Variants in JAKMIP3 observed in about 807,000 individuals in gnomAD.
JAKMIP3 encodes Janus kinase and microtubule interacting protein 3.
JAKMIP3 carries 58 observed loss-of-function variants against 118.5 expected under a neutral mutation model. The observed-to-expected ratio is 0.49, with a 90% CI of 0.40 to 0.61. The LOEUF is 0.61. Ranked by LOEUF, JAKMIP3 falls within the 20% of genes least tolerant of loss-of-function variation. The pLI is 0.00. For synonymous variants in JAKMIP3, 486 were observed against 451.2 expected (o/e 1.08, Z -0.98); for missense variants, 950 against 1,109.0 (o/e 0.86, Z 2.04).
chr10:132,104,712 C>T lies in JAKMIP3; in HGVS notation c.-97C>T, dbSNP rs2045636959. On this transcript the variant is annotated 5_prime_UTR_variant, in exon 2 of 24. Coordinates refer to ENST00000684848, the MANE Select transcript of JAKMIP3 (RefSeq NM_001323087.2). ...TAGTGTGACAGCAGCCCGGGTGACA[C>T]CTGCTGGGAGCTTGGCGTGGACACC... The T allele has an allele frequency of 6.2e-6, 8 of 1,281,778 alleles. No individual in the cohort carries two copies. The South Asian group carries it at 8.3e-5, about 13-fold the overall frequency. The allele number at this position is 1,281,778 out of a possible 1,614,324, so 79.4% of individuals were successfully genotyped here.
chr10:132,112,041 G>A lies in JAKMIP3; in HGVS notation c.136-5036G>A, dbSNP rs2046959756. Among the ~76,000 whole-genome samples, 1 of 152,076 alleles carries A rather than the reference G, an allele frequency of 6.6e-6. No individual in the cohort carries two copies. Among genetic ancestry groups the A allele is most frequent in the Non-Finnish European group, 1.5e-5 (1 of 67,998 alleles). On this transcript the variant is annotated intron_variant, in intron 2 of 23. Coordinates refer to ENST00000684848, the MANE Select transcript of JAKMIP3 (RefSeq NM_001323087.2). The surrounding 1 kb of genome is among the most constrained non-coding windows in gnomAD (Gnocchi z 4.3). ...GGAGGTGTTGGCAGGCGGGGGTAGA[G>A]CGTGCGGGTGGACGGTGCATGGGAT...
chr10:132,101,602 A>C (rs1163996909), intron 1 of JAKMIP3, among the ~76,000 whole-genome samples: 1 of 152,214 alleles, frequency 6.6e-6, no homozygotes, highest in Non-Finnish European at 1.5e-5. Flanking sequence ...GCCCTATGAC[A>C]GCCAGATGGG....
chr10:132,139,396 ATGTGAGTGTGTATG>A (rs1420729079), intron 9 of JAKMIP3, among the ~76,000 whole-genome samples: 1 of 113,996 alleles, frequency 8.8e-6, no homozygotes, highest in Non-Finnish European at 1.7e-5. Context: ...GTGTATGAGT[ATGTGAGTGTGTATG>A]TGTGAGTGTG....
intron 13 of JAKMIP3, among the ~76,000 whole-genome samples, chr10:132,147,651 C>G (rs886541852): frequency 6.6e-6 from 1 of 152,190 alleles, no homozygotes; most frequent in African/African-American, 2.4e-5. Flanking sequence ...TCCTTGACGG[C>G]CTCCCTTCCA....
rs748632398 is a variant in JAKMIP3, at chr10:132,163,268, G to A, written c.2280G>A (p.Lys760=). Residue 760 remains lysine, a synonymous_variant, in exon 20 of 24, where the codon AAG becomes AAA. Coordinates refer to ENST00000684848, the MANE Select transcript of JAKMIP3 (RefSeq NM_001323087.2). ...YDALQQEAGA[K]VAELLSEEER... is the part of the protein sequence containing the mutation. ...CCCTGCAGCAGGAGGCCGGGGCTAAGGTGGCTGAGCTGCTGTCAGAGGAGG... is the reference window on the plus strand; with the variant it reads ...CCCTGCAGCAGGAGGCCGGGGCTAAAGTGGCTGAGCTGCTGTCAGAGGAGG... 1 of 1,591,742 alleles carries A rather than the reference G, an allele frequency of 6.3e-7. No individual in the cohort carries two copies. The highest frequency in any genetic ancestry group is 1.8e-5 in the Admixed American group (1 of 56,536).
chr10:132,048,944 C>T (rs573040400), intron 1 of JAKMIP3, among the ~76,000 whole-genome samples: 1 of 152,060 alleles, frequency 6.6e-6, no homozygotes, highest in Non-Finnish European at 1.5e-5. Context: ...CCGGCCTGGG[C>T]TTGACTGTTT....
intron 19 of JAKMIP3, among the ~76,000 whole-genome samples, chr10:132,155,851 C>T (rs1012976374): frequency 4.6e-5 from 7 of 152,178 alleles, no homozygotes; most frequent in East Asian, 1.9e-4. Context: ...GAGCCAGCCC[C>T]GGGTGAGCTG....
intron 23 of JAKMIP3, among the ~76,000 whole-genome samples, chr10:132,172,979 CCCTCTCTCTCT>C: frequency 1.2e-5 from 1 of 85,838 alleles, no homozygotes; most frequent in African/African-American, 3.9e-5. Context: ...CTCTCTCCTT[CCCTCTCTCTCT>C]CTCTCCTTCC....
chr10:132,091,900 T>C (rs1362636799), intron 1 of JAKMIP3, among the ~76,000 whole-genome samples: 1 of 152,240 alleles, frequency 6.6e-6, no homozygotes, highest in Non-Finnish European at 1.5e-5. Context: ...GTTTCTGCAG[T>C]GGCTGGTACT....
intron 2 of JAKMIP3, among the ~76,000 whole-genome samples, chr10:132,105,202 C>G (rs928269010): frequency 6.6e-6 from 1 of 152,224 alleles, no homozygotes; most frequent in Non-Finnish European, 1.5e-5. Flanking sequence ...TGCATGGGGA[C>G]AGCCCTCCCA....
intron 1 of JAKMIP3, among the ~76,000 whole-genome samples, chr10:132,091,331 C>G (rs2043059708): frequency 6.6e-6 from 1 of 152,114 alleles, no homozygotes; most frequent in Non-Finnish European, 1.5e-5. Flanking sequence ...TCCTGGGTAT[C>G]CTTGTTAACT....
Position 132,148,029 on chromosome 10 carries a change from G to A in JAKMIP3, c.1827G>A (p.Glu609=). The A allele has an allele frequency of 6.2e-7, 1 of 1,609,668 alleles. No homozygotes were observed. The highest frequency in any genetic ancestry group is 8.5e-7 in the Non-Finnish European group (1 of 1,177,984). ...QDARDQNELL[E]FRILELEERE... ...CCAGAGACCAAAACGAGCTGCTGGA[G>A]TTCAGGATCCTGGAGCTTGAGGTAG... The change falls in exon 14 of 24, where the codon GAG becomes GAA. Residue 609 remains glutamate (E), a synonymous_variant. Coordinates refer to ENST00000684848, the MANE Select transcript of JAKMIP3 (RefSeq NM_001323087.2).
At position 132,044,063 on chromosome 10, in the gene JAKMIP3, C is replaced by A. The variant is rs1008887379; in HGVS notation, c.-138+7325C>A. 3.3e-5 allele frequency among the ~76,000 whole-genome samples: 5 copies of A among 152,208 alleles called. No individual in the cohort carries two copies. The highest frequency in any genetic ancestry group is 7.2e-5 in the African/African-American group (3 of 41,450). ...GTAGGCTCTCAGGCAGTTCAGATAC[C>A]GTGTGTGCAGTGGCGCTTGTGGCCC... On this transcript the variant is annotated intron_variant, in intron 1 of 23. Coordinates refer to the JAKMIP3 transcript ENST00000657785. This position sits in a 1 kb window ranked among gnomAD's most constrained non-coding sequence, Gnocchi z 5.3.
chr10:132,074,898 C>T (rs2040534180), intron 1 of JAKMIP3, among the ~76,000 whole-genome samples: 1 of 152,132 alleles, frequency 6.6e-6, no homozygotes, highest in Non-Finnish European at 1.5e-5. Context: ...TGAATTATGG[C>T]TATCCATTTT....
chr10:132,180,684 TGTGTGTGCGTGCGTGTGTGTGTGC>T lies in JAKMIP3; in HGVS notation c.*1104-1671_*1104-1648del, dbSNP rs2061056955. Among the ~76,000 whole-genome samples the T allele has an allele frequency of 1.2e-4, 2 of 16,822 alleles. 1 individual carries two copies. The highest frequency in any genetic ancestry group is 2.4e-4 in the Non-Finnish European group (2 of 8,424). 11.0% of individuals were successfully genotyped at this position (16,822 alleles called of 152,430 possible). On this transcript the variant is annotated intron_variant, in intron 23 of 23. Transcript: ENST00000684848. The stretch of plus-strand genomic sequence containing the variant: ...GTGTGTGCGTGTGTGTGCGCGCGCG[TGTGTGTGCGTGCGTGTGTGTGTGC>T]GCGTGTGTGTGCGTGTGTGTGCGTG...
Position 132,087,406 on chromosome 10 carries a change from C to A in JAKMIP3, c.-137-17266C>A, listed in dbSNP as rs141618176. ...GCTTCTTGTATCTGGATGTCTAGGT[C>A]TCTAGCAAGGCTGGGGAAGTTTTTC... On this transcript the variant is annotated intron_variant, in intron 1 of 23. Transcript: ENST00000684848. Among the ~76,000 whole-genome samples the A allele has an allele frequency of 6.3e-3, 963 of 152,252 alleles. 7 individuals carry two copies. Among genetic ancestry groups the A allele is most frequent in the Non-Finnish European group, 0.01 (688 of 68,022 alleles).
At chr10:132,141,363 C>G (rs2053480140) in intron 10 of JAKMIP3, among the ~76,000 whole-genome samples, 1 of 152,182 alleles carries the variant, frequency 6.6e-6, no homozygotes, top group Non-Finnish European at 1.5e-5. Flanking sequence ...TCCACCGGGA[C>G]CCTTTGAAGG....
rs2038041913 is a variant in JAKMIP3 at position 132,049,628 on chromosome 10, T to C, written c.-138+12890T>C. On this transcript the variant is annotated intron_variant, in intron 1 of 23. Coordinates refer to the JAKMIP3 transcript ENST00000657785. The surrounding 1 kb of genome is among the most constrained non-coding windows in gnomAD (Gnocchi z 4.3). ...GCGTGTGCCCGGTTCTGTTTGGATG[T>C]ACAGGTTTCTTCTGCCTTGTGTTTT... is the stretch of plus-strand genomic sequence containing the variant. Among the ~76,000 whole-genome samples, 1 of 152,172 alleles carries C rather than the reference T, an allele frequency of 6.6e-6. No homozygotes were observed. The highest frequency in any genetic ancestry group is 2.4e-5 in the African/African-American group (1 of 41,432).
chr10:132,079,966 C>T (rs1397540573), intron 1 of JAKMIP3, among the ~76,000 whole-genome samples: 1 of 152,252 alleles, frequency 6.6e-6, no homozygotes, highest in Non-Finnish European at 1.5e-5. Context: ...GTGGATACTG[C>T]TGCTGTGAAC....
Sources: gnomAD v4.1 joint callset for allele counts (sites outside exome capture counted in the v4.1 genomes callset) on GRCh38, gnomAD v4.1.1 for gene constraint, Gnocchi (gnomAD v3.1) non-coding constraint, MANE v1.5 for transcripts, NCBI Gene and HGNC (gene_info 2026-07-23, HGNC 2026-07-21) for gene names.